Variants in IPO11 observed in about 807,000 individuals in gnomAD.
The protein encoded by IPO11 is importin-11.
Under a neutral mutation model 143.2 loss-of-function variants are expected in IPO11, and 66 were observed. The observed-to-expected ratio is 0.46, with a 90% CI of 0.38 to 0.57. The LOEUF (loss-of-function observed/expected upper bound fraction) is 0.57. IPO11 is among the 20% of genes least tolerant of loss of function. IPO11 has a pLI of 0.00. For missense variants in IPO11, 1,026 were observed against 1,141.0 expected, an observed-to-expected ratio of 0.90 and a Z score of 1.45; for synonymous variants, 385 against 377.8, an observed-to-expected ratio of 1.02 and a Z score of -0.22.
chr5:62,515,510 C>T lies in IPO11; in HGVS notation c.1896+9C>T, dbSNP rs373032028. ...TTATTCATCTTGTTCAGGTAAGTCA[C>T]TTCTCCACAGAGTTTTTTTAGTTTA... On this transcript the variant is annotated intron_variant, in intron 20 of 29. Transcript: ENST00000325324. The T allele has an allele frequency of 5.2e-6, 8 of 1,545,534 alleles. No individual in the cohort carries two copies. Among genetic ancestry groups the T allele is most frequent in the Non-Finnish European group, 7.0e-6 (8 of 1,137,578 alleles).
chr5:62,463,999 T>A (rs953840995), intron 5 of IPO11, among the ~76,000 whole-genome samples: 6 of 151,894 alleles, frequency 4.0e-5, no homozygotes, highest in African/African-American at 1.5e-4. Context: ...AATTTTTGTA[T>A]TTGTAATAGA....
At chr5:62,581,483 T>C (rs1045198865) in intron 27 of IPO11, 5 of 575,610 alleles carry the variant, frequency 8.7e-6, no homozygotes, top group Non-Finnish European at 1.5e-5. Context: ...AATATTTTCT[T>C]TGATATATAC....
chr5:62,450,381 A>G (rs908533021), intron 4 of IPO11, among the ~76,000 whole-genome samples: 3 of 152,186 alleles, frequency 2.0e-5, no homozygotes, highest in African/African-American at 7.2e-5. Flanking sequence ...TCACCCATTG[A>G]CATCATAGCT....
At chr5:62,530,648 CA>C (rs1222838223) in intron 21 of IPO11, 60 bp from the exon 22 acceptor site, 2 of 971,388 alleles carry the variant, frequency 2.1e-6, no homozygotes, top group African/African-American at 3.2e-5. Context: ...ATATTTAAGT[CA>C]TATGTTAATG....
chr5:62,525,428 GGAGTGCAGT>G (rs1183798974), intron 20 of IPO11, among the ~76,000 whole-genome samples: 2 of 151,622 alleles, frequency 1.3e-5, no homozygotes, highest in Non-Finnish European at 2.9e-5. Flanking sequence ...CATGTAGGTT[GGAGTGCAGT>G]GGTGGGATCA....
intron 27 of IPO11, among the ~76,000 whole-genome samples, chr5:62,586,764 A>ATATATATATATATAT (rs1554056988): frequency 4.8e-5 from 4 of 83,116 alleles, no homozygotes; most frequent in East Asian, 3.2e-4. Context: ...AAAAAAAAAA[A>ATATATATATATATAT]AAAAATATAT....
intron 27 of IPO11, among the ~76,000 whole-genome samples, chr5:62,586,771 ATAT>A (rs1744806075): frequency 4.0e-4 from 24 of 59,614 alleles, no homozygotes; most frequent in African/African-American, 2.0e-3. Flanking sequence ...AAAAAAAAAT[ATAT>A]ATATATATAT....
In IPO11 at chr5:62,530,049, T is replaced by A. The variant is rs969859862; in HGVS notation, c.2013-660T>A. Among the ~76,000 whole-genome samples, 4 of 152,218 alleles carry A rather than the reference T, an allele frequency of 2.6e-5. No homozygotes were observed. In the East Asian group the frequency reaches 7.7e-4, roughly 29 times the overall value. On this transcript the variant is annotated intron_variant, in intron 21 of 29. Coordinates refer to ENST00000325324, the MANE Select transcript of IPO11 (RefSeq NM_016338.5). ...GTTCATATTTATTAAGCATTTAGCA[T>A]AAGTTTTACTAACTTATTAGCCTAG...
intron 20 of IPO11, among the ~76,000 whole-genome samples, chr5:62,519,559 A>T (rs1429035368): frequency 1.3e-5 from 2 of 152,186 alleles, no homozygotes; most frequent in Non-Finnish European, 2.9e-5. Flanking sequence ...TTGTATAAAG[A>T]CGGTTGAAGG....
intron 19 of IPO11, among the ~76,000 whole-genome samples, chr5:62,510,339 A>G (rs1341485065): frequency 6.6e-6 from 1 of 152,132 alleles, no homozygotes; most frequent in Non-Finnish European, 1.5e-5. Flanking sequence ...ACACTTATAT[A>G]TCCTTCACTT....
At chr5:62,594,077 T>G (rs1353652768) in intron 28 of IPO11, among the ~76,000 whole-genome samples, 1 of 152,244 alleles carries the variant, frequency 6.6e-6, no homozygotes, top group Non-Finnish European at 1.5e-5. Flanking sequence ...ATTCTTATTA[T>G]AGTCTCTTAA....
At chr5:62,479,479 T>C (rs1221894678) in intron 9 of IPO11, among the ~76,000 whole-genome samples, 1 of 152,196 alleles carries the variant, frequency 6.6e-6, no homozygotes, top group Non-Finnish European at 1.5e-5. Flanking sequence ...GGTCAAATGG[T>C]ATTTCTAGTT....
At chr5:62,475,999 G>T (rs1366567662) in intron 8 of IPO11, among the ~76,000 whole-genome samples, 1 of 152,164 alleles carries the variant, frequency 6.6e-6, no homozygotes, top group Non-Finnish European at 1.5e-5. Flanking sequence ...TTTTATGTTA[G>T]TCAGTTTCAA....
chr5:62,552,489 T>A (rs1405304074), intron 26 of IPO11, among the ~76,000 whole-genome samples: 3 of 150,366 alleles, frequency 2.0e-5, no homozygotes, highest in Non-Finnish European at 4.4e-5. Flanking sequence ...TTTTTTTTTT[T>A]AAAGTAGAGA....
chr5:62,540,578 G>T (rs1003461149), intron 24 of IPO11, among the ~76,000 whole-genome samples: 3 of 152,230 alleles, frequency 2.0e-5, no homozygotes, highest in Non-Finnish European at 4.4e-5. Flanking sequence ...ATTAGAGGGA[G>T]CGTAGCATAG....
At chr5:62,622,346 A>T (rs1746409219) in intron 29 of IPO11, among the ~76,000 whole-genome samples, 2 of 152,186 alleles carry the variant, frequency 1.3e-5, no homozygotes. Context: ...CTGCCAAGTG[A>T]AGAACTATTG....
rs113342440 is a variant in IPO11, at chr5:62,621,467, C to T, written c.2764-5687C>T. 4.0e-3 allele frequency among the ~76,000 whole-genome samples: 608 copies of T among 152,260 alleles called. 3 individuals carry two copies. Among genetic ancestry groups the T allele is most frequent in the South Asian group, 0.025 (120 of 4,822 alleles). On this transcript the variant is annotated intron_variant, in intron 29 of 29. Transcript: ENST00000325324. ...CCCTGCAAATGGGGCATACATTTCCCAAGGCTCCACCCTGTCCTCCCACGG... is the reference window on the plus strand; with the variant it reads ...CCCTGCAAATGGGGCATACATTTCCTAAGGCTCCACCCTGTCCTCCCACGG...
intron 29 of IPO11, among the ~76,000 whole-genome samples, chr5:62,617,636 A>G (rs1452323225): frequency 6.6e-6 from 1 of 151,958 alleles, no homozygotes; most frequent in Non-Finnish European, 1.5e-5. Flanking sequence ...ATTTAGTTAT[A>G]TATTAAAGTT....
chr5:62,565,830 C>T (rs540712279), intron 27 of IPO11, among the ~76,000 whole-genome samples: 2 of 147,790 alleles, frequency 1.4e-5, no homozygotes, highest in African/African-American at 2.5e-5. Flanking sequence ...CTCCTTGTGT[C>T]GGTGTGTTCT....
Sources: allele counts gnomAD v4.1 joint callset (sites outside exome capture counted in the v4.1 genomes callset), GRCh38; gene constraint gnomAD v4.1.1; transcripts MANE v1.5; gene names NCBI Gene and HGNC (gene_info 2026-07-23, HGNC 2026-07-21).